IFT88: variants seen among roughly 807,000 people sequenced by gnomAD.
IFT88 encodes the protein intraflagellar transport protein 88 homolog.
A neutral mutation model predicts 119.5 loss-of-function variants in IFT88; 74 were observed. The observed-to-expected ratio is 0.62, with a 90% CI of 0.51 to 0.75. The LOEUF (loss-of-function observed/expected upper bound fraction) is 0.75. IFT88 is among the 30% of genes least tolerant of loss of function. The pLI, the probability that IFT88 is intolerant of heterozygous loss-of-function variation, is 0.00. For synonymous variants in IFT88, 279 were observed against 316.7 expected (o/e 0.88, Z 1.26); for missense variants, 961 against 977.7 (o/e 0.98, Z 0.23).
intron 23 of IFT88, 29 bp from the exon 24 acceptor site, chr13:20,670,941 ATTC>A (rs2055736219): frequency 1.9e-6 from 3 of 1,596,510 alleles, no homozygotes; most frequent in Non-Finnish European, 2.6e-6. Flanking sequence ...AATAGCACTT[ATTC>A]TTTTAAACTT....
chr13:20,577,178 A>G (rs113124411), intron 2 of IFT88, among the ~76,000 whole-genome samples: 3,171 of 152,276 alleles, frequency 0.021, 99 homozygotes, highest in African/African-American at 0.072. Flanking sequence ...CACTTTTGAC[A>G]TATAGAAATG....
chr13:20,645,914 A>G (rs932461063), intron 20 of IFT88, among the ~76,000 whole-genome samples: 2 of 152,218 alleles, frequency 1.3e-5, no homozygotes, highest in Non-Finnish European at 2.9e-5. Flanking sequence ...GAATTATAAA[A>G]TTAATTACCA....
intron 12 of IFT88, 35 bp downstream of exon 12, chr13:20,601,968 C>A: frequency 1.7e-6 from 2 of 1,176,414 alleles, no homozygotes; most frequent in Non-Finnish European, 2.5e-6. Context: ...TAGCCACTTC[C>A]CACTTATCTG....
At chr13:20,606,009 GT>G (rs752883085) in intron 13 of IFT88, among the ~76,000 whole-genome samples, 273 of 68,646 alleles carry the variant, frequency 4.0e-3, no homozygotes, top group Non-Finnish European at 5.0e-3. Flanking sequence ...TTATATGTAG[GT>G]TTCATGATGT....
chr13:20,646,854 T>G (rs1299607356), intron 20 of IFT88, among the ~76,000 whole-genome samples: 2 of 151,822 alleles, frequency 1.3e-5, no homozygotes, highest in Non-Finnish European at 2.9e-5. Context: ...CATTCCTGTT[T>G]TTTTTTTTCT....
In IFT88 at chr13:20,648,062, G is replaced by GCAAA. The variant is rs767247181; in HGVS notation, c.1949+3121_1949+3124dup. 1.4e-3 allele frequency among the ~76,000 whole-genome samples: 209 copies of GCAAA among 152,218 alleles called. 1 individual carries two copies. The highest frequency in any genetic ancestry group is 2.2e-3 in the Admixed American group (33 of 15,294). On this transcript the variant is annotated intron_variant, in intron 20 of 25. Coordinates refer to ENST00000351808, the MANE Select transcript of IFT88 (RefSeq NM_006531.5). ...TGATGTAAAGTCCTGAAATTTAAAA[G>GCAAA]CAAACAAACAAACAAACAAAACACA...
intron 22 of IFT88, among the ~76,000 whole-genome samples, 159 bp downstream of exon 22, chr13:20,656,589 A>G (rs115767489): frequency 0.011 from 1,650 of 152,300 alleles, 35 homozygotes; most frequent in African/African-American, 0.038. Context: ...AAATTTGACT[A>G]TGCAAGTACA....
intron 14 of IFT88, 110 bp from the exon 15 acceptor site, chr13:20,625,640 G>C: frequency 1.5e-6 from 1 of 648,026 alleles, no homozygotes; most frequent in East Asian, 3.1e-5. Flanking sequence ...TACCTTTACA[G>C]AGTACTAGGG....
chr13:20,669,390 T>C (rs949134537), intron 23 of IFT88, among the ~76,000 whole-genome samples: 1 of 152,030 alleles, frequency 6.6e-6, no homozygotes, highest in African/African-American at 2.4e-5. Flanking sequence ...TGTCAAGCTA[T>C]GTGGACATTT....
At chr13:20,584,822 C>T (rs896787999) in intron 3 of IFT88, among the ~76,000 whole-genome samples, 7 of 152,210 alleles carry the variant, frequency 4.6e-5, no homozygotes, top group African/African-American at 9.6e-5. Context: ...TGGCTCTCAG[C>T]GGGGGGCACT....
intron 13 of IFT88, chr13:20,607,841 C>T (rs778158063): frequency 9.6e-6 from 7 of 729,176 alleles, no homozygotes; most frequent in Non-Finnish European, 1.8e-5. Context: ...ATGGTCATCA[C>T]AGTGTCCCTG....
intron 20 of IFT88, 69 bp downstream of exon 20, chr13:20,645,027 G>A: frequency 1.5e-6 from 1 of 683,952 alleles, no homozygotes; most frequent in South Asian, 1.9e-5. Context: ...CCTAGAATTA[G>A]TATCTGATAG....
At chr13:20,678,495 C>T (rs1474498928) in intron 24 of IFT88, among the ~76,000 whole-genome samples, 1 of 152,212 alleles carries the variant, frequency 6.6e-6, no homozygotes, top group African/African-American at 2.4e-5. Flanking sequence ...AGCAGAGAAA[C>T]AGGCCCTGGC....
intron 13 of IFT88, among the ~76,000 whole-genome samples, chr13:20,609,611 G>GC (rs2044110792): frequency 6.6e-6 from 1 of 152,056 alleles, no homozygotes; most frequent in South Asian, 2.1e-4. Context: ...GGGCATGGTG[G>GC]CACATGCCTG....
At chr13:20,616,026 T>C (rs904666533) in intron 14 of IFT88, 147 bp downstream of exon 14, 2 of 446,104 alleles carry the variant, frequency 4.5e-6, no homozygotes, top group Admixed American at 4.1e-5. Context: ...TTCAGATTAA[T>C]ATAGGCTATT....
chr13:20,567,386 G>C (rs1021950940), intron 1 of IFT88, 130 bp downstream of exon 1: 1 of 152,346 alleles, frequency 6.6e-6, no homozygotes, highest in African/African-American at 2.4e-5. Context: ...GCCCCGGGGC[G>C]GTCTGAGGCG....
chr13:20,580,729 T>C (rs988774128), intron 2 of IFT88, among the ~76,000 whole-genome samples: 7 of 145,736 alleles, frequency 4.8e-5, no homozygotes, highest in South Asian at 2.2e-4. Context: ...TTTTTCTTTT[T>C]TTTTTTTTTT....
chr13:20,606,355 C>T (rs2043448292), intron 13 of IFT88, among the ~76,000 whole-genome samples: 2 of 152,034 alleles, frequency 1.3e-5, no homozygotes, highest in South Asian at 2.1e-4. Context: ...GTTAGTAGGA[C>T]GGACTATTTG....
At chr13:20,663,296 G>C in intron 22 of IFT88, 15 of 1,493,994 alleles carry the variant, frequency 1.0e-5, no homozygotes, top group Non-Finnish European at 1.3e-5. Flanking sequence ...CACATGGAGA[G>C]AGACCCTTTA....
Sources: gnomAD v4.1 joint callset for allele counts (sites outside exome capture counted in the v4.1 genomes callset) on GRCh38, gnomAD v4.1.1 for gene constraint, MANE v1.5 for transcripts, NCBI Gene and HGNC (gene_info 2026-07-23, HGNC 2026-07-21) for gene names.